Variants in WNK3 observed in about 807,000 individuals in gnomAD.
The protein encoded by WNK3 is serine/threonine-protein kinase WNK3.
WNK3 carries 18 observed loss-of-function variants against 116.7 expected under a neutral mutation model. The ratio of observed to expected loss-of-function variants is 0.15; its 90% confidence interval spans 0.11 to 0.23. WNK3 has a LOEUF of 0.23. Ranked by LOEUF, WNK3 falls within the 10% of genes least tolerant of loss-of-function variation. WNK3 has a pLI of 1.00. For missense variants in WNK3, 993 were observed against 1,323.8 expected, an observed-to-expected ratio of 0.75 and a Z score of 3.88; for synonymous variants, 404 against 469.4, an observed-to-expected ratio of 0.86 and a Z score of 1.80.
At chrX:54,338,610 T>C (rs2069275688) in intron 1 of WNK3, among the ~76,000 whole-genome samples, 1 of 108,578 alleles carries the variant, frequency 9.2e-6, no homozygotes, top group South Asian at 4.0e-4. Context: ...AAAAACAAAA[T>C]AAAATCTTAT....
chrX:54,350,136 G>A (rs1557178294), intron 1 of WNK3, among the ~76,000 whole-genome samples: 1 of 111,741 alleles, frequency 8.9e-6, no homozygotes, highest in African/African-American at 3.2e-5. Context: ...TAGGCCAGGT[G>A]CGGTGGCTCA....
chrX:54,326,658 C>A (rs1215414897), intron 2 of WNK3, among the ~76,000 whole-genome samples: 1 of 110,153 alleles, frequency 9.1e-6, no homozygotes, highest in Non-Finnish European at 1.9e-5. Flanking sequence ...CATAGTGAGA[C>A]CCTGCCTCTA....
intron 2 of WNK3, among the ~76,000 whole-genome samples, chrX:54,323,441 CT>C (rs1557172677): frequency 2.7e-5 from 3 of 110,912 alleles, no homozygotes; most frequent in Non-Finnish European, 5.7e-5. Context: ...AGGAGGAATG[CT>C]TGAGGCCAGG....
chrX:54,322,396 A>C (rs1267671109), intron 2 of WNK3, among the ~76,000 whole-genome samples: 9 of 112,025 alleles, frequency 8.0e-5, no homozygotes, highest in Non-Finnish European at 1.7e-4. Flanking sequence ...CATTGACAAA[A>C]GGTGAAGGCC....
At chrX:54,351,650 G>A (rs781873194) in intron 1 of WNK3, among the ~76,000 whole-genome samples, 2 of 111,185 alleles carry the variant, frequency 1.8e-5, no homozygotes, top group African/African-American at 6.5e-5. Flanking sequence ...AGTGGCTCAC[G>A]TCTGTAATTC....
intron 10 of WNK3, among the ~76,000 whole-genome samples, chrX:54,276,888 G>T (rs2068455643): frequency 9.0e-6 from 1 of 111,213 alleles, no homozygotes; most frequent in Admixed American, 9.6e-5. Context: ...GCTAATTTTT[G>T]TATTTTTTAG....
chrX:54,216,589 T>A (rs1177665173), intron 22 of WNK3, among the ~76,000 whole-genome samples: 1 of 111,057 alleles, frequency 9.0e-6, no homozygotes, highest in Non-Finnish European at 1.9e-5. Flanking sequence ...TCTAACATAT[T>A]CTTGGCAATA....
intron 10 of WNK3, among the ~76,000 whole-genome samples, chrX:54,274,595 A>C (rs1557160194): frequency 1.8e-5 from 2 of 111,650 alleles, no homozygotes; most frequent in African/African-American, 6.5e-5. Flanking sequence ...TATAAATGAG[A>C]TTATTTCTCC....
intron 10 of WNK3, among the ~76,000 whole-genome samples, chrX:54,270,399 C>CTT (rs781794140): frequency 4.3e-5 from 4 of 92,743 alleles, no homozygotes; most frequent in East Asian, 3.4e-4. Context: ...CGCCCGGCCT[C>CTT]TTTTTTTTTT....
chrX:54,269,046 A>G (rs2068349557), intron 10 of WNK3, among the ~76,000 whole-genome samples: 1 of 111,327 alleles, frequency 9.0e-6, no homozygotes, highest in Admixed American at 9.7e-5. Context: ...CATTACTTCT[A>G]TTATGATGCA....
chrX:54,240,946 T>C (rs1252650996), intron 17 of WNK3, among the ~76,000 whole-genome samples: 1 of 110,496 alleles, frequency 9.1e-6, no homozygotes, highest in Non-Finnish European at 1.9e-5. Flanking sequence ...AAAACAGAGG[T>C]TTTGACTTAT....
chrX:54,357,830 C>T (rs1290052536), exon 1 of WNK3: 1 of 113,312 alleles, frequency 8.8e-6, no homozygotes, highest in African/African-American at 3.2e-5. Flanking sequence ...ATCGCCTCCT[C>T]CGATGCTTCT....
rs1258439333 is a variant in WNK3, at chrX:54,256,115, A to G, written c.2103-228T>C. 2.7e-5 allele frequency among the ~76,000 whole-genome samples: 3 copies of G among 111,577 alleles called. No individual in the cohort carries two copies. In the Admixed American group the frequency reaches 2.9e-4, roughly 11 times the overall value. On this transcript the variant is annotated intron_variant, in intron 11 of 23. Coordinates refer to ENST00000354646, the Ensembl canonical transcript of WNK3. The stretch of plus-strand genomic sequence containing the variant: ...AATTATATTTCAATAAAGCTTTCTT[A>G]AAAAGCTGAAAAATCAAGGTCACAC...
intron 1 of WNK3, among the ~76,000 whole-genome samples, chrX:54,353,270 C>T (rs1557178780): frequency 9.0e-6 from 1 of 110,910 alleles, no homozygotes; most frequent in Non-Finnish European, 1.9e-5. Flanking sequence ...ACCAGCCTGA[C>T]CAACATGGAG....
intron 10 of WNK3, among the ~76,000 whole-genome samples, chrX:54,270,102 G>C (rs2068362193): frequency 1.8e-5 from 2 of 111,168 alleles, no homozygotes; most frequent in African/African-American, 6.5e-5. Flanking sequence ...TTTTTAAAAA[G>C]CTCCTTTTTT....
intron 10 of WNK3, among the ~76,000 whole-genome samples, chrX:54,275,532 T>C (rs2068437358): frequency 1.0e-5 from 1 of 98,765 alleles, no homozygotes; most frequent in South Asian, 4.9e-4. Flanking sequence ...CAAAACAGTA[T>C]AAATAAAACA....
intron 1 of WNK3, among the ~76,000 whole-genome samples, chrX:54,353,462 TAAATAAAATA>T (rs782437352): frequency 1.1e-5 from 1 of 93,012 alleles, no homozygotes; most frequent in South Asian, 4.9e-4. Context: ...CATCTCCAAA[TAAATAAAATA>T]AAATAAAATA....
chrX:54,321,226 G>A (rs782085657), intron 2 of WNK3, among the ~76,000 whole-genome samples: 48 of 111,563 alleles, frequency 4.3e-4, no homozygotes, highest in African/African-American at 1.5e-3. Context: ...TGGGCAGTAG[G>A]TACACAGTTT....
intron 8 of WNK3, 67 bp from the exon 9 acceptor site, chrX:54,293,394 T>C: frequency 1.1e-5 from 10 of 898,084 alleles, no homozygotes; most frequent in Non-Finnish European, 1.5e-5. Context: ...CCAAATGGTA[T>C]AGGTAATGGT....
Sources: allele counts gnomAD v4.1 joint callset (sites outside exome capture counted in the v4.1 genomes callset), GRCh38; gene constraint gnomAD v4.1.1; transcripts MANE v1.5; gene names NCBI Gene and HGNC (gene_info 2026-07-23, HGNC 2026-07-21).